Variants in PSKH2 observed in about 807,000 individuals in gnomAD.
PSKH2 encodes serine/threonine-protein kinase H2.
A neutral mutation model predicts 22.5 loss-of-function variants in PSKH2; 16 were observed. The observed-to-expected ratio is 0.71, with a 90% confidence interval of 0.48 to 1.08. The LOEUF (loss-of-function observed/expected upper bound fraction) is 1.08. Among genes scored for constraint, PSKH2 ranks in the 50% least tolerant of loss-of-function variants. PSKH2 has a pLI of 0.00. For synonymous variants in PSKH2, 188 were observed against 184.8 expected, an observed-to-expected ratio of 1.02 and a Z score of -0.14; for missense variants, 516 against 492.8, an observed-to-expected ratio of 1.05 and a Z score of -0.44.
intron 1 of PSKH2, among the ~76,000 whole-genome samples, chr8:86,068,911 GA>G (rs749372048): frequency 6.6e-6 from 1 of 151,442 alleles, no homozygotes; most frequent in Non-Finnish European, 1.5e-5. Flanking sequence ...CCCATCCTCT[GA>G]ACTCCCTGTT....
At chr8:86,067,489 A>G (rs976865376) in intron 1 of PSKH2, among the ~76,000 whole-genome samples, 1 of 151,334 alleles carries the variant, frequency 6.6e-6, no homozygotes, top group African/African-American at 2.4e-5. Context: ...GAATGCCTTT[A>G]TAAGGTCTTT....
At chr8:86,069,228 G>A (rs1817909167) in intron 1 of PSKH2, among the ~76,000 whole-genome samples, 2 of 152,078 alleles carry the variant, frequency 1.3e-5, no homozygotes, top group Admixed American at 1.3e-4. Context: ...ACATTTCAAA[G>A]GGATGGCTGC....
rs187941977 is a variant in PSKH2 at position 86,068,888 on chromosome 8, T to A, written c.185+550A>T. ...TCCTTCCCTTGTTTGCTGCTGCTCC[T>A]GCTCTCTTTTTTCCCATCCTCTGAA... On this transcript the variant is annotated intron_variant, in intron 1 of 2. Coordinates refer to ENST00000276616, the MANE Select transcript of PSKH2 (RefSeq NM_033126.3). 4.6e-5 allele frequency among the ~76,000 whole-genome samples: 7 copies of A among 152,134 alleles called. No individual in the cohort carries two copies. The East Asian group carries it at 1.4e-3, about 30-fold the overall frequency.
intron 2 of PSKH2, among the ~76,000 whole-genome samples, chr8:86,050,246 C>G (rs183602187): frequency 6.6e-6 from 1 of 152,088 alleles, no homozygotes; most frequent in South Asian, 2.1e-4. Context: ...GAATGCAAGC[C>G]CCTTTAAATT....
At chr8:86,055,373 C>T (rs1020588103) in intron 2 of PSKH2, among the ~76,000 whole-genome samples, 9 of 152,094 alleles carry the variant, frequency 5.9e-5, no homozygotes, top group Non-Finnish European at 1.0e-4. Context: ...CACTTATTGT[C>T]TGTGATTGAG....
At chr8:86,057,891 G>A (rs753000275) in intron 2 of PSKH2, among the ~76,000 whole-genome samples, 40 of 152,036 alleles carry the variant, frequency 2.6e-4, no homozygotes, top group Non-Finnish European at 4.4e-4. Flanking sequence ...TTGAGGCTTT[G>A]TTCCCACTTA....
At chr8:86,057,285 T>TACACACACACACAC (rs71574253) in intron 2 of PSKH2, among the ~76,000 whole-genome samples, 2,563 of 129,926 alleles carry the variant, frequency 0.02, 69 homozygotes, top group African/African-American at 0.053. Context: ...TGCATGCATG[T>TACACACACACACAC]ACACACACAC....
rs370321743 is a variant in PSKH2 at position 86,069,450 on chromosome 8, C to T, written c.173G>A (p.Arg58Gln). Residue 58 changes from arginine to glutamine, a missense_variant, in exon 1 of 3, where the codon CGG becomes CAG. Coordinates refer to ENST00000276616, the MANE Select transcript of PSKH2 (RefSeq NM_033126.3). ...CGTGGCGCTTTACCTGGCAAGGACC[C>T]GGGGGTCGAACTTGGCTCGGAAGCG... The part of the protein sequence containing the change: ...VARFRAKFDP[R>Q]VLARYDIKAL... The T allele has an allele frequency of 2.5e-6, 4 of 1,592,054 alleles. No homozygotes were observed. The highest frequency in any genetic ancestry group is 3.6e-5 in the Admixed American group (2 of 55,666).
rs1817912453 is a variant in PSKH2 at position 86,069,462 on chromosome 8, T to C, written c.161A>G (p.Lys54Arg). ...QRIQVARFRA[K>R]FDPRVLARYD... ...CCTGGCAAGGACCCGGGGGTCGAACTTGGCTCGGAAGCGAGCCACCTGTAT... is the reference window on the plus strand; with the variant it reads ...CCTGGCAAGGACCCGGGGGTCGAACCTGGCTCGGAAGCGAGCCACCTGTAT... Residue 54 changes from lysine (K) to arginine (R), a missense_variant, in exon 1 of 3, where the codon AAG (lysine) becomes AGG (arginine). Transcript: ENST00000276616. 1 of 1,597,060 alleles carries C rather than the reference T, an allele frequency of 6.3e-7. No homozygotes were observed. The highest frequency in any genetic ancestry group is 8.5e-7 in the Non-Finnish European group (1 of 1,172,678).
intron 1 of PSKH2, among the ~76,000 whole-genome samples, chr8:86,065,949 G>A (rs919343634): frequency 2.6e-5 from 4 of 152,122 alleles, no homozygotes; most frequent in African/African-American, 9.7e-5. Flanking sequence ...CAGCTTGGGT[G>A]AGAGAGCGAG....
chr8:86,069,807 G>C, upstream of PSKH2: 1 of 616,338 alleles, frequency 1.6e-6, no homozygotes, highest in Non-Finnish European at 2.6e-6. Flanking sequence ...CTGGATCATC[G>C]CTGGTCACCG....
chr8:86,064,298 A>G lies in PSKH2; in HGVS notation c.519T>C (p.Tyr173=). 6.2e-7 allele frequency: 1 copy of G among 1,614,118 alleles called. No homozygotes were observed. The highest frequency in any genetic ancestry group is 8.5e-7 in the Non-Finnish European group (1 of 1,180,026). ...ILQMVADGIR[Y]LHALQITHRN... ...TATGAGTTATCTGCAGCGCATGCAA[A>G]TACCTAATCCCATCAGCAACCATCT... Residue 173 remains tyrosine (Y), a synonymous_variant, in exon 2 of 3, where the codon TAT becomes TAC. Transcript: ENST00000276616.
intron 2 of PSKH2, among the ~76,000 whole-genome samples, chr8:86,054,442 T>C (rs868539643): frequency 2.0e-5 from 3 of 152,226 alleles, no homozygotes; most frequent in Admixed American, 2.0e-4. Flanking sequence ...TATGTAAATA[T>C]GCCCCAAACT....
chr8:86,048,949 GA>G (rs1466269112), intron 2 of PSKH2, among the ~76,000 whole-genome samples, 182 bp from the exon 3 acceptor site: 2 of 152,064 alleles, frequency 1.3e-5, no homozygotes, highest in East Asian at 3.9e-4. Flanking sequence ...TTTGAGGGAG[GA>G]AAAGAAAAAA....
In PSKH2 at chr8:86,049,885, A is replaced by G. The variant is rs6996771; in HGVS notation, c.853-1118T>C. ...AAGAAGGAAAGGAGGGAGGGAGGGAAGGAAGGAAGGAAGGAAGTGAAGTGC... is the reference window on the plus strand; with the variant it reads ...AAGAAGGAAAGGAGGGAGGGAGGGAGGGAAGGAAGGAAGGAAGTGAAGTGC... On this transcript the variant is annotated intron_variant, in intron 2 of 2. Transcript: ENST00000276616. 3.7e-3 allele frequency among the ~76,000 whole-genome samples: 503 copies of G among 136,944 alleles called. 5 individuals are homozygous for G. Among genetic ancestry groups the G allele is most frequent in the African/African-American group, 0.017 (488 of 29,096 alleles). 89.8% of individuals were successfully genotyped at this position (136,944 alleles called of 152,430 possible). A position where few individuals can be genotyped will look rare whatever the true frequency, so the allele number is the denominator to read the frequency against.
chr8:86,059,022 C>G (rs1245259587), intron 2 of PSKH2, among the ~76,000 whole-genome samples: 1 of 152,120 alleles, frequency 6.6e-6, no homozygotes, highest in Non-Finnish European at 1.5e-5. Context: ...TCACTGCAAC[C>G]TAGACCTTCC....
In PSKH2 at chr8:86,069,519, C is replaced by G. The variant is rs567670091; in HGVS notation, c.104G>C (p.Gly35Ala). ...NQAGVGGAGP[G>A]PEAAAQAAQR... ...CGCCGCCTGGGCCGCCGCCTCGGGC[C>G]CAGGCCCCGCGCCTCCGACGCCGGC... The change falls in exon 1 of 3, where the codon GGG (glycine) becomes GCG (alanine). Residue 35 changes from glycine to alanine, a missense_variant. By Grantham distance (60) the Gly-to-Ala change is moderately conservative. Transcript: ENST00000276616. 2 of 1,608,744 alleles carry G rather than the reference C, an allele frequency of 1.2e-6. No homozygotes were observed. Among genetic ancestry groups the G allele is most frequent in the South Asian group, 2.2e-5 (2 of 90,616 alleles).
intron 1 of PSKH2, among the ~76,000 whole-genome samples, chr8:86,067,466 A>G (rs985463339): frequency 1.2e-4 from 16 of 130,764 alleles, no homozygotes; most frequent in Admixed American, 5.5e-4. Flanking sequence ...TAAAGATCAC[A>G]TCAAGCTGGG....
intron 2 of PSKH2, among the ~76,000 whole-genome samples, chr8:86,049,698 GAAAGAAAGAAAGAAAGAAAGAAAGAA>G (rs1563538534): frequency 7.9e-5 from 2 of 25,350 alleles, no homozygotes; most frequent in African/African-American, 1.5e-4. Flanking sequence ...AAGAAAGAAA[GAAAGAAAGAAAGAAAGAAAGAAAGAA>G]AGAAAGAAAG....
Sources: gnomAD v4.1 joint callset for allele counts (sites outside exome capture counted in the v4.1 genomes callset) on GRCh38, gnomAD v4.1.1 for gene constraint, MANE v1.5 for transcripts, NCBI Gene and HGNC (gene_info 2026-07-23, HGNC 2026-07-21) for gene names.